Variants in AGBL4 observed in about 807,000 individuals in gnomAD.
AGBL4 encodes cytosolic carboxypeptidase 6.
Under a neutral mutation model 66.4 loss-of-function variants are expected in AGBL4, and 58 were observed. The observed-to-expected ratio is 0.87, with a 90% confidence interval of 0.71 to 1.09. AGBL4 has a LOEUF of 1.09. Ranked by LOEUF, AGBL4 falls within the 50% of genes least tolerant of loss-of-function variation. AGBL4 has a pLI of 0.00. For synonymous variants in AGBL4, 234 were observed against 222.9 expected (o/e 1.05, Z -0.44); for missense variants, 579 against 631.0 (o/e 0.92, Z 0.88).
chr1:48,974,612 A>G (rs1659169276), intron 5 of AGBL4, among the ~76,000 whole-genome samples: 1 of 152,160 alleles, frequency 6.6e-6, no homozygotes, highest in African/African-American at 2.4e-5. Context: ...CCAAAATCTA[A>G]TTGAGTCTAT....
chr1:49,964,516 C>A lies in AGBL4; in HGVS notation c.34+59247G>T, dbSNP rs565339053. Among the ~76,000 whole-genome samples, 101 of 152,046 alleles carry A rather than the reference C, an allele frequency of 6.6e-4. 1 individual carries two copies. Among genetic ancestry groups the A allele is most frequent in the Non-Finnish European group, 1.6e-4 (11 of 67,928 alleles). ...CTCTAAGAATCTATTTTCTAGGTGGCTAATATTATAATCATTGATGTCAGG... is the reference window on the plus strand; with the variant it reads ...CTCTAAGAATCTATTTTCTAGGTGGATAATATTATAATCATTGATGTCAGG... On this transcript the variant is annotated intron_variant, in intron 1 of 13. Transcript: ENST00000371839.
chr1:49,755,005 A>G (rs1558224720), intron 2 of AGBL4, among the ~76,000 whole-genome samples: 1 of 152,178 alleles, frequency 6.6e-6, no homozygotes, highest in African/African-American at 2.4e-5. Flanking sequence ...CATACTGTAG[A>G]TGGTAATCTG....
At chr1:48,565,751 G>A (rs1644466670) in intron 11 of AGBL4, among the ~76,000 whole-genome samples, 1 of 152,190 alleles carries the variant, frequency 6.6e-6, no homozygotes, top group Non-Finnish European at 1.5e-5. Context: ...AGTTAAATGA[G>A]AACAATAATC....
At chr1:49,871,175 G>C (rs1285979987) in intron 1 of AGBL4, among the ~76,000 whole-genome samples, 3 of 151,906 alleles carry the variant, frequency 2.0e-5, no homozygotes, top group African/African-American at 7.2e-5. Flanking sequence ...CCCTGTATTA[G>C]ATTAACAAGG....
intron 3 of AGBL4, among the ~76,000 whole-genome samples, chr1:49,256,098 C>A (rs1041418702): frequency 6.6e-6 from 1 of 152,072 alleles, no homozygotes; most frequent in African/African-American, 2.4e-5. Context: ...GTGCAGCAAA[C>A]CCTCATGACA....
At chr1:49,030,783 T>C (rs897078826) in intron 5 of AGBL4, among the ~76,000 whole-genome samples, 1 of 142,942 alleles carries the variant, frequency 7.0e-6, no homozygotes, top group South Asian at 2.2e-4. Context: ...ACCTAGTCTA[T>C]GGTATTTTTG....
chr1:49,964,844 ACTGAT>A (rs1381034173), intron 1 of AGBL4, among the ~76,000 whole-genome samples: 1 of 152,192 alleles, frequency 6.6e-6, no homozygotes, highest in Non-Finnish European at 1.5e-5. Context: ...CTTAACTCTA[ACTGAT>A]CTCTCCCACA....
chr1:49,775,061 C>A (rs1027070419), intron 2 of AGBL4, among the ~76,000 whole-genome samples: 1 of 151,926 alleles, frequency 6.6e-6, no homozygotes, highest in Non-Finnish European at 1.5e-5. Flanking sequence ...AAAAATGAAA[C>A]CTATGATTGA....
At position 48,735,298 on chromosome 1, in the gene AGBL4, T is replaced by C. The variant is rs541591716; in HGVS notation, c.635-72057A>G. On this transcript the variant is annotated intron_variant, in intron 6 of 13. Transcript: ENST00000371839. ...TTTGTGTTTATCTTCCCTGTGAGAATATGAACTCCTTGCAGATGAAGGCTG... is the reference window on the plus strand; with the variant it reads ...TTTGTGTTTATCTTCCCTGTGAGAACATGAACTCCTTGCAGATGAAGGCTG... 7.2e-5 allele frequency among the ~76,000 whole-genome samples: 11 copies of C among 152,264 alleles called. No homozygotes were observed. In the East Asian group the frequency reaches 2.1e-3, roughly 29 times the overall value.
chr1:49,478,608 G>GA (rs951697289), intron 3 of AGBL4, among the ~76,000 whole-genome samples: 19 of 151,346 alleles, frequency 1.3e-4, no homozygotes, highest in Non-Finnish European at 2.4e-4. Flanking sequence ...ACTTCAGTCA[G>GA]AAAAAAAAGA....
At chr1:48,642,920 C>T (rs1407352599) in intron 8 of AGBL4, among the ~76,000 whole-genome samples, 1 of 152,162 alleles carries the variant, frequency 6.6e-6, no homozygotes, top group East Asian at 1.9e-4. Flanking sequence ...GCTCTGGAGC[C>T]ACACGGCCTG....
intron 6 of AGBL4, among the ~76,000 whole-genome samples, chr1:48,790,978 C>T (rs150209010): frequency 0.013 from 2,017 of 152,250 alleles, 30 homozygotes; most frequent in Middle Eastern, 0.037. Flanking sequence ...ATGCCTTCTA[C>T]CATGCTATGA....
intron 3 of AGBL4, among the ~76,000 whole-genome samples, chr1:49,651,767 AGAAG>A (rs1261545243): frequency 3.3e-5 from 5 of 152,198 alleles, no homozygotes; most frequent in African/African-American, 1.2e-4. Context: ...TCTTGAGACG[AGAAG>A]GAATTAGTGC....
intron 4 of AGBL4, among the ~76,000 whole-genome samples, chr1:49,130,502 G>A (rs1050804016): frequency 6.6e-6 from 1 of 152,156 alleles, no homozygotes; most frequent in Admixed American, 6.6e-5. Flanking sequence ...AAGGTGTAAG[G>A]AGGGGATCCA....
chr1:49,330,177 G>A (rs977540366), intron 3 of AGBL4, among the ~76,000 whole-genome samples: 6 of 152,220 alleles, frequency 3.9e-5, no homozygotes, highest in African/African-American at 1.4e-4. Context: ...AGCACTTTGG[G>A]AGGCCGAGGT....
chr1:49,293,284 G>A (rs892085951), intron 3 of AGBL4, among the ~76,000 whole-genome samples: 9 of 152,162 alleles, frequency 5.9e-5, no homozygotes, highest in South Asian at 2.1e-4. Context: ...GCCACTCCAC[G>A]CCTGGCTTGC....
chr1:49,994,988 C>A (rs1285724269), intron 1 of AGBL4: 1 of 384,344 alleles, frequency 2.6e-6, no homozygotes, highest in Non-Finnish European at 5.1e-6. Flanking sequence ...CCCGTGGGCA[C>A]TCTTGGTCCC....
intron 2 of AGBL4, among the ~76,000 whole-genome samples, chr1:49,734,338 T>G (rs537494563): frequency 1.8e-4 from 27 of 151,574 alleles, no homozygotes; most frequent in African/African-American, 6.3e-4. Context: ...AAATGTAAAT[T>G]GGAAAGAAAA....
chr1:48,988,373 T>C (rs138708956), intron 5 of AGBL4, among the ~76,000 whole-genome samples: 1 of 152,300 alleles, frequency 6.6e-6, no homozygotes, highest in East Asian at 1.9e-4. Flanking sequence ...ATGCTCATTA[T>C]CTAACACAAT....
Sources: gnomAD v4.1 joint callset for allele counts (sites outside exome capture counted in the v4.1 genomes callset) on GRCh38, gnomAD v4.1.1 for gene constraint, MANE v1.5 for transcripts, NCBI Gene and HGNC (gene_info 2026-07-23, HGNC 2026-07-21) for gene names.